DNAH11: variants seen among roughly 807,000 people sequenced by gnomAD.
The protein encoded by DNAH11 is axonemal beta dynein heavy chain 11.
A neutral mutation model predicts 526.0 loss-of-function variants in DNAH11; 442 were observed. The ratio of observed to expected loss-of-function variants is 0.84; its 90% CI spans 0.78 to 0.91. The LOEUF (loss-of-function observed/expected upper bound fraction) is 0.91, where lower values mean the gene tolerates loss of function less well. Among genes scored for constraint, DNAH11 ranks in the 40% least tolerant of loss-of-function variants. The pLI, the probability that DNAH11 is intolerant of heterozygous loss-of-function variation, is 0.00. For synonymous variants in DNAH11, 2,461 were observed against 1,935.9 expected (o/e 1.27, Z -7.12); for missense variants, 6,989 against 5,448.7 (o/e 1.28, Z -8.90).
At chr7:21,612,534 G>A (rs111750443) in intron 20 of DNAH11, among the ~76,000 whole-genome samples, 50 of 128,784 alleles carry the variant, frequency 3.9e-4, no homozygotes, top group South Asian at 3.1e-3. Context: ...CAGCCTGGGC[G>A]ACAGAGTGAG....
chr7:21,824,435 TAAC>T (rs1294876281), intron 65 of DNAH11, among the ~76,000 whole-genome samples: 2 of 152,106 alleles, frequency 1.3e-5, no homozygotes, highest in Non-Finnish European at 2.9e-5. Flanking sequence ...ATATTTTTAA[TAAC>T]ATACATAAAA....
chr7:21,813,899 T>C (rs943589507), intron 63 of DNAH11, among the ~76,000 whole-genome samples: 2 of 152,146 alleles, frequency 1.3e-5, no homozygotes, highest in African/African-American at 4.8e-5. Flanking sequence ...AAAAGACAAG[T>C]TAATTGTAAT....
intron 62 of DNAH11, among the ~76,000 whole-genome samples, chr7:21,804,957 A>G (rs892972760): frequency 2.0e-5 from 3 of 152,090 alleles, no homozygotes; most frequent in Non-Finnish European, 4.4e-5. Context: ...CACCTCTGCC[A>G]CTTCTCTCTT....
intron 20 of DNAH11, among the ~76,000 whole-genome samples, chr7:21,613,892 C>A (rs1022317066): frequency 6.6e-6 from 1 of 151,828 alleles, no homozygotes; most frequent in Non-Finnish European, 1.5e-5. Flanking sequence ...CTCAGCCTCC[C>A]GAGTAACTGG....
At chr7:21,549,748 C>G (rs1782948658) in intron 2 of DNAH11, among the ~76,000 whole-genome samples, 1 of 152,116 alleles carries the variant, frequency 6.6e-6, no homozygotes, top group African/African-American at 2.4e-5. Flanking sequence ...GTTTACTGTC[C>G]AACCCTGCAA....
intron 65 of DNAH11, among the ~76,000 whole-genome samples, chr7:21,832,161 G>T (rs551721817): frequency 6.6e-6 from 1 of 152,092 alleles, no homozygotes; most frequent in Non-Finnish European, 1.5e-5. Context: ...TTTAATTGGG[G>T]CATTTAGTCC....
At chr7:21,645,227 T>G (rs955102330) in intron 28 of DNAH11, among the ~76,000 whole-genome samples, 1 of 152,246 alleles carries the variant, frequency 6.6e-6, no homozygotes, top group African/African-American at 2.4e-5. Context: ...CAGCCTTGCT[T>G]TGATGTCACT....
At chr7:21,582,436 A>C (rs1219703720) in intron 9 of DNAH11, among the ~76,000 whole-genome samples, 1 of 152,212 alleles carries the variant, frequency 6.6e-6, no homozygotes, top group Non-Finnish European at 1.5e-5. Context: ...AGCAATTTAT[A>C]TACTGTATTT....
At chr7:21,555,034 G>C (rs1190236763) in intron 2 of DNAH11, among the ~76,000 whole-genome samples, 1 of 152,130 alleles carries the variant, frequency 6.6e-6, no homozygotes, top group African/African-American at 2.4e-5. Context: ...GATGATAGGG[G>C]GTCCCAGGGC....
chr7:21,666,886 A>G (rs896030871), intron 30 of DNAH11, among the ~76,000 whole-genome samples: 4 of 152,060 alleles, frequency 2.6e-5, no homozygotes, highest in African/African-American at 9.7e-5. Context: ...GTTACATTGA[A>G]TGACAGGTAA....
intron 68 of DNAH11, among the ~76,000 whole-genome samples, chr7:21,861,499 A>AATGT (rs1386403872): frequency 6.6e-6 from 1 of 152,250 alleles, no homozygotes; most frequent in East Asian, 1.9e-4. Flanking sequence ...TACTGAACTG[A>AATGT]ATGTATGTAC....
rs72658842 is a variant in DNAH11 at position 21,901,447 on chromosome 7, C to T, written c.*193C>T. 2.5e-3 allele frequency: 1,660 copies of T among 658,562 alleles called. 16 individuals are homozygous for T. The highest frequency in any genetic ancestry group is 1.6e-3 in the Non-Finnish European group (743 of 463,306). 40.8% of individuals were successfully genotyped at this position (658,562 alleles called of 1,614,324 possible). A position where few individuals can be genotyped will look rare whatever the true frequency, so the allele number is the denominator to read the frequency against. On this transcript the variant is annotated 3_prime_UTR_variant, in exon 82 of 82. Transcript: ENST00000409508. The stretch of plus-strand genomic sequence containing the variant: ...ACTCAGGGCTGAGCGTGGTGGCACA[C>T]GACTGTAATCCCAGTTACTCAGGAG...
chr7:21,801,042 G>T, intron 61 of DNAH11, 95 bp from the exon 62 acceptor site: 2 of 1,330,650 alleles, frequency 1.5e-6, no homozygotes, highest in Non-Finnish European at 2.1e-6. Flanking sequence ...GAAGAGGTTT[G>T]TCCATTTACC....
chr7:21,833,609 C>T (rs1303239553), intron 65 of DNAH11, among the ~76,000 whole-genome samples: 6 of 152,078 alleles, frequency 3.9e-5, no homozygotes, highest in Admixed American at 2.6e-4. Flanking sequence ...GCAGGAGAAT[C>T]GCTTGAACCC....
At chr7:21,735,599 C>G in intron 45 of DNAH11, 41 bp from the exon 46 acceptor site, 2 of 1,541,826 alleles carry the variant, frequency 1.3e-6, no homozygotes, top group African/African-American at 1.4e-5. Flanking sequence ...CGCACTCTCT[C>G]TCTCTTTCTG....
At chr7:21,612,276 C>T (rs928230606) in intron 20 of DNAH11, among the ~76,000 whole-genome samples, 2 of 152,064 alleles carry the variant, frequency 1.3e-5, no homozygotes, top group African/African-American at 4.8e-5. Context: ...ACTAAGAAGG[C>T]TGGGCATGGT....
chr7:21,899,411 G>A lies in DNAH11; in HGVS notation c.13125G>A (p.Trp4375Ter), dbSNP rs894559682. The change falls in exon 80 of 82, where the codon TGG becomes TGA. Residue 4375 changes from tryptophan to a stop codon, truncating the protein, a stop_gained. Transcript: ENST00000409508. LOFTEE classifies it high-confidence loss of function. ...TQDLTLPAVV[W>*]LSGFFNPQSF... ...ACCTTACCCTTCCGGCTGTCGTGTG[G>A]CTCTCCGGCTTCTTCAACCCTCAGT... 2 of 1,613,784 alleles carry A rather than the reference G, an allele frequency of 1.2e-6. No homozygotes were observed. The highest frequency in any genetic ancestry group is 1.7e-6 in the Non-Finnish European group (2 of 1,179,824).
Position 21,570,085 on chromosome 7 carries a change from C to A in DNAH11, c.1211C>A (p.Ser404Ter). Residue 404 changes from serine to a stop codon, truncating the protein, a stop_gained, in exon 7 of 82, where the codon TCA becomes TAA. Coordinates refer to ENST00000409508, the MANE Select transcript of DNAH11 (RefSeq NM_001277115.2). LOFTEE classifies it high-confidence loss of function. Reference protein sequence around the residue: ...LFINQATAYLSPEDLLRGEIE... With the variant: ...LFINQATAYL ...AAATCCTAGGCAACAGCTTACCTTT[C>A]ACCTGAGGACCTTTTGAGGGGAGAA... 6.2e-7 allele frequency: 1 copy of A among 1,607,206 alleles called. No homozygotes were observed.
intron 76 of DNAH11, among the ~76,000 whole-genome samples, chr7:21,889,027 C>T (rs1343020890): frequency 6.8e-6 from 1 of 147,492 alleles, no homozygotes; most frequent in East Asian, 2.0e-4. Context: ...AAAAACCCTG[C>T]AGCCATTAGC....
Sources: gnomAD v4.1 joint callset for allele counts (sites outside exome capture counted in the v4.1 genomes callset) on GRCh38, gnomAD v4.1.1 for gene constraint, MANE v1.5 for transcripts, NCBI Gene and HGNC (gene_info 2026-07-23, HGNC 2026-07-21) for gene names.